Variants in ARHGAP24 observed in about 807,000 individuals in gnomAD.
The protein encoded by ARHGAP24 is rho GTPase-activating protein 24.
In ARHGAP24, 50 loss-of-function variants were observed where a neutral mutation model predicts 76.4. That is an observed-to-expected ratio of 0.65 (90% CI 0.52 to 0.83). ARHGAP24 has a LOEUF of 0.83. Ranked by LOEUF, ARHGAP24 falls within the 40% of genes least tolerant of loss-of-function variation. ARHGAP24 has a pLI of 0.00. For synonymous variants in ARHGAP24, 345 were observed against 323.3 expected, an observed-to-expected ratio of 1.07 and a Z score of -0.72; for missense variants, 930 against 914.2, an observed-to-expected ratio of 1.02 and a Z score of -0.22.
intron 2 of ARHGAP24, among the ~76,000 whole-genome samples, chr4:85,572,137 C>T (rs1727164022): frequency 6.6e-6 from 1 of 152,172 alleles, no homozygotes; most frequent in Non-Finnish European, 1.5e-5. Context: ...TGTCTCCTAT[C>T]TTACCCTCCA....
intron 5 of ARHGAP24, among the ~76,000 whole-genome samples, chr4:85,945,759 C>CAA (rs35877734): frequency 8.8e-4 from 55 of 62,430 alleles, no homozygotes; most frequent in Middle Eastern, 9.1e-3. Flanking sequence ...GACTCAGCCT[C>CAA]AAAAAAAAAA....
chr4:85,919,315 T>G (rs1003888951), intron 3 of ARHGAP24, among the ~76,000 whole-genome samples: 1 of 152,224 alleles, frequency 6.6e-6, no homozygotes, highest in East Asian at 1.9e-4. Context: ...CCCCTTCACT[T>G]GCAAGGCAGT....
intron 2 of ARHGAP24, among the ~76,000 whole-genome samples, chr4:85,660,523 C>G (rs2109991258): frequency 6.6e-6 from 1 of 152,070 alleles, no homozygotes; most frequent in Middle Eastern, 3.4e-3. Context: ...TCTGGCCGAG[C>G]ACTGTGGATC....
At chr4:85,487,152 G>GTATA (rs199740884) in intron 1 of ARHGAP24, among the ~76,000 whole-genome samples, 1 of 135,614 alleles carries the variant, frequency 7.4e-6, no homozygotes, top group African/African-American at 2.8e-5. Flanking sequence ...TTGCTTGTGT[G>GTATA]TATATATATA....
chr4:85,990,693 G>A (rs1245443666), intron 8 of ARHGAP24: 2 of 151,852 alleles, frequency 1.3e-5, no homozygotes, highest in African/African-American at 4.8e-5. Context: ...TTCCCCAAAT[G>A]ATGCTGGAAC....
intron 2 of ARHGAP24, among the ~76,000 whole-genome samples, chr4:85,587,687 C>T (rs1727918268): frequency 6.6e-6 from 1 of 152,106 alleles, no homozygotes; most frequent in Non-Finnish European, 1.5e-5. Context: ...GAAATAAGTG[C>T]AGTTCCATCA....
At chr4:85,566,534 G>A (rs1726852994) in intron 1 of ARHGAP24, among the ~76,000 whole-genome samples, 2 of 152,172 alleles carry the variant, frequency 1.3e-5, no homozygotes, top group Non-Finnish European at 2.9e-5. Context: ...TCTTCTTTAA[G>A]GCATTAAATG....
chr4:85,554,400 T>G (rs758879342), intron 1 of ARHGAP24, among the ~76,000 whole-genome samples: 1 of 152,212 alleles, frequency 6.6e-6, no homozygotes, highest in African/African-American at 2.4e-5. Flanking sequence ...AAATATGTTT[T>G]CCAAATTGCC....
chr4:85,945,490 G>T (rs1207641579), intron 5 of ARHGAP24, among the ~76,000 whole-genome samples: 1 of 152,072 alleles, frequency 6.6e-6, no homozygotes, highest in Non-Finnish European at 1.5e-5. Flanking sequence ...AGGCCTGAGC[G>T]GGGTGGCTCA....
At chr4:85,706,402 T>C (rs1267089147) in intron 2 of ARHGAP24, among the ~76,000 whole-genome samples, 4 of 152,246 alleles carry the variant, frequency 2.6e-5, no homozygotes, top group Non-Finnish European at 5.9e-5. Context: ...AACTCATCTG[T>C]CATAATAAGA....
chr4:85,943,874 G>T (rs1415181241), intron 5 of ARHGAP24, among the ~76,000 whole-genome samples: 1 of 151,636 alleles, frequency 6.6e-6, no homozygotes, highest in Non-Finnish European at 1.5e-5. Context: ...GGGCATTTGG[G>T]TTGGTTCCAA....
At chr4:85,626,118 G>A (rs1720944626) in intron 2 of ARHGAP24, among the ~76,000 whole-genome samples, 2 of 152,192 alleles carry the variant, frequency 1.3e-5, no homozygotes, top group African/African-American at 4.8e-5. Context: ...TCATTATGAT[G>A]TTAGCTGGTT....
chr4:85,576,560 A>G (rs1727386181), intron 2 of ARHGAP24, among the ~76,000 whole-genome samples: 1 of 152,204 alleles, frequency 6.6e-6, no homozygotes, highest in African/African-American at 2.4e-5. Flanking sequence ...GAAGTATTTA[A>G]AATAATACTA....
rs888897757 is a variant in ARHGAP24 at position 86,000,830 on chromosome 4, A to G, written c.*108A>G. On this transcript the variant is annotated 3_prime_UTR_variant, in exon 10 of 10. Coordinates refer to ENST00000395184, the MANE Select transcript of ARHGAP24 (RefSeq NM_001025616.3). ...GGTCACCTGGATGTACAGAAGTCTA[A>G]CTGGTGAAGGAATATCATTTACAGA... 6.7e-7 allele frequency: 1 copy of G among 1,500,288 alleles called. No homozygotes were observed. The highest frequency in any genetic ancestry group is 9.2e-7 in the Non-Finnish European group (1 of 1,092,696). 92.9% of individuals were successfully genotyped at this position (1,500,288 alleles called of 1,614,324 possible).
Position 85,617,581 on chromosome 4 carries a change from A to G in ARHGAP24, c.180+46860A>G, listed in dbSNP as rs549349011. Among the ~76,000 whole-genome samples, 27 of 152,240 alleles carry G rather than the reference A, an allele frequency of 1.8e-4. 1 individual carries two copies. Among genetic ancestry groups the G allele is most frequent in the South Asian group, 1.0e-3 (5 of 4,830 alleles). ...ACAGTTATATACCAATTTAGCCTAT[A>G]TTCATGGGCATTTAGATTTCCAATC... On this transcript the variant is annotated intron_variant, in intron 2 of 9. Coordinates refer to ENST00000395184, the MANE Select transcript of ARHGAP24 (RefSeq NM_001025616.3).
At chr4:85,769,642 CTTTT>C (rs1178512854) in intron 3 of ARHGAP24, among the ~76,000 whole-genome samples, 1 of 149,808 alleles carries the variant, frequency 6.7e-6, no homozygotes, top group Non-Finnish European at 1.5e-5. Context: ...CCTTTCTTTT[CTTTT>C]TTCTTTTTTT....
chr4:85,749,927 A>G (rs1252008006), intron 3 of ARHGAP24, among the ~76,000 whole-genome samples: 3 of 152,042 alleles, frequency 2.0e-5, no homozygotes, highest in African/African-American at 7.2e-5. Flanking sequence ...GTGAGTTCAG[A>G]GTTTCCTCTC....
intron 3 of ARHGAP24, among the ~76,000 whole-genome samples, chr4:85,772,068 A>G (rs1383788680): frequency 6.6e-6 from 1 of 152,224 alleles, no homozygotes; most frequent in Non-Finnish European, 1.5e-5. Flanking sequence ...ATAAAATATT[A>G]CAAATAGTTT....
intron 3 of ARHGAP24, among the ~76,000 whole-genome samples, chr4:85,745,454 G>GTGCT (rs1231145502): frequency 1.5e-5 from 2 of 136,694 alleles, no homozygotes; most frequent in African/African-American, 5.1e-5. Flanking sequence ...GCTGGGCATG[G>GTGCT]TGCTGTGCAC....
Sources: allele counts gnomAD v4.1 joint callset (sites outside exome capture counted in the v4.1 genomes callset), GRCh38; gene constraint gnomAD v4.1.1; transcripts MANE v1.5; gene names NCBI Gene and HGNC (gene_info 2026-07-23, HGNC 2026-07-21).